Variants in COL4A4 observed in about 807,000 individuals in gnomAD.
COL4A4 encodes collagen alpha-4(IV) chain.
Under a neutral mutation model 192.9 loss-of-function variants are expected in COL4A4, and 105 were observed. The ratio of observed to expected loss-of-function variants is 0.54; its 90% CI spans 0.46 to 0.64. COL4A4 has a LOEUF of 0.64. COL4A4 is among the 30% of genes least tolerant of loss of function. The pLI is 0.00. For missense variants in COL4A4, 1,967 were observed against 2,169.3 expected, an observed-to-expected ratio of 0.91 and a Z score of 1.85; for synonymous variants, 762 against 769.9, an observed-to-expected ratio of 0.99 and a Z score of 0.17.
At chr2:227,114,562 T>C (rs1188629798) in intron 8 of COL4A4, 66 bp downstream of exon 8, 2 of 1,248,056 alleles carry the variant, frequency 1.6e-6, no homozygotes, top group Non-Finnish European at 2.4e-6. Context: ...TGTCTGAGTA[T>C]TTCCTGCATG....
chr2:227,119,151 G>A, intron 6 of COL4A4, among the ~76,000 whole-genome samples: 1 of 151,422 alleles, frequency 6.6e-6, no homozygotes, highest in East Asian at 1.9e-4. Context: ...CATTCCTTAT[G>A]AGTATGCATT....
At chr2:227,069,283 C>A (rs1199368071) in intron 25 of COL4A4, among the ~76,000 whole-genome samples, 1 of 151,754 alleles carries the variant, frequency 6.6e-6, no homozygotes, top group Non-Finnish European at 1.5e-5. Context: ...GTGAAAATGG[C>A]CATACTGCCC....
chr2:226,994,448 A>G, the COL4A4 span, among the ~76,000 whole-genome samples: 5 of 152,222 alleles, frequency 3.3e-5, no homozygotes, highest in Admixed American at 2.6e-4. Flanking sequence ...CATTGGTTCT[A>G]TCGGGGTTGA....
chr2:227,103,947 G>C, intron 13 of COL4A4, 25 bp downstream of exon 13: 1 of 1,570,038 alleles, frequency 6.4e-7, no homozygotes, highest in Non-Finnish European at 8.8e-7. Context: ...TACTTTCCAA[G>C]GTGACATATG....
At chr2:227,041,957 G>T (rs938927408) in intron 37 of COL4A4, among the ~76,000 whole-genome samples, 191 bp downstream of exon 37, 1 of 152,020 alleles carries the variant, frequency 6.6e-6, no homozygotes, top group Non-Finnish European at 1.5e-5. Flanking sequence ...CTGGTAGAAG[G>T]CAGGTCAGCT....
intron 4 of COL4A4, among the ~76,000 whole-genome samples, chr2:227,121,570 A>AG (rs2061791688): frequency 7.5e-6 from 1 of 133,320 alleles, no homozygotes; most frequent in Admixed American, 7.4e-5. Flanking sequence ...TCAAAAAAAA[A>AG]AAAAAAGAAA....
intron 4 of COL4A4, among the ~76,000 whole-genome samples, chr2:227,126,069 G>A (rs567274447): frequency 3.9e-5 from 6 of 152,118 alleles, no homozygotes; most frequent in African/African-American, 9.6e-5. Flanking sequence ...GAAAATATTC[G>A]AAAATCAATA....
chr2:227,008,078 C>T lies in COL4A4; in HGVS notation c.4749G>A (p.Gln1583=), dbSNP rs1962567860. 6.2e-7 allele frequency: 1 copy of T among 1,613,996 alleles called. No homozygotes were observed. Among genetic ancestry groups the T allele is most frequent in the Non-Finnish European group, 8.5e-7 (1 of 1,180,044 alleles). The change falls in exon 47 of 48, where the codon CAG becomes CAA. Residue 1583 remains glutamine (Q), a synonymous_variant. Transcript: ENST00000396625. ...AGGTCTGCGGACATGGGGGGATGGA[C>T]TGGTCCTGGCTGTGCACCGCCACCG... The part of the protein sequence containing the change: ...AQAVAVHSQD[Q]SIPPCPQTWR...
At chr2:227,001,460 C>A (rs1371785780), downstream of COL4A4, among the ~76,000 whole-genome samples, 2 of 152,072 alleles carry the variant, frequency 1.3e-5, no homozygotes, top group South Asian at 2.1e-4. Context: ...AGACAGTCTC[C>A]AAGCTGAGCT....
intron 4 of COL4A4, among the ~76,000 whole-genome samples, chr2:227,126,359 A>G (rs1034430451): frequency 2.0e-5 from 3 of 152,212 alleles, no homozygotes; most frequent in Non-Finnish European, 4.4e-5. Context: ...TCATTCCTAG[A>G]ACGTTGGTTA....
At chr2:227,047,692 G>T in intron 34 of COL4A4, 143 bp from the exon 35 acceptor site, 3 of 552,648 alleles carry the variant, frequency 5.4e-6, no homozygotes, top group East Asian at 3.4e-5. Context: ...TTCTAAATAA[G>T]AACAAATAGA....
At chr2:227,099,179 G>GCCTCAGCCTC (rs2060368651) in intron 18 of COL4A4, among the ~76,000 whole-genome samples, 1 of 152,126 alleles carries the variant, frequency 6.6e-6, no homozygotes, top group African/African-American at 2.4e-5. Context: ...CGATTCTCGT[G>GCCTCAGCCTC]CCTCAGCCTC....
At chr2:227,144,737 T>G (rs544383025) in intron 2 of COL4A4, among the ~76,000 whole-genome samples, 179 bp from the exon 3 acceptor site, 2 of 152,344 alleles carry the variant, frequency 1.3e-5, no homozygotes, top group African/African-American at 4.8e-5. Flanking sequence ...CTGCCATCAT[T>G]GCCTTTCCTC....
intron 3 of COL4A4, among the ~76,000 whole-genome samples, chr2:227,141,612 T>A (rs565984484): frequency 1.1e-4 from 17 of 152,200 alleles, no homozygotes; most frequent in Non-Finnish European, 2.1e-4. Flanking sequence ...GCATTAATTT[T>A]AAAAAGACAT....
At chr2:227,109,603 T>C (rs1365177750) in intron 9 of COL4A4, 3 of 419,156 alleles carry the variant, frequency 7.2e-6, no homozygotes, top group South Asian at 2.0e-5. Flanking sequence ...AAAAATTAGA[T>C]GGGCGTGGTG....
Position 227,069,684 on chromosome 2 carries a change from A to G in COL4A4, c.1988-7086T>C, listed in dbSNP as rs948643365. On this transcript the variant is annotated intron_variant, in intron 25 of 47. Transcript: ENST00000396625. ...TAGCCATACGTAGAAAGCTGAAACCAGATCCCTTCCTTACACCTTATACAA... is the reference window on the plus strand; with the variant it reads ...TAGCCATACGTAGAAAGCTGAAACCGGATCCCTTCCTTACACCTTATACAA... 5.3e-5 allele frequency among the ~76,000 whole-genome samples: 8 copies of G among 152,318 alleles called. No homozygotes were observed. In the South Asian group the frequency reaches 8.3e-4, roughly 16 times the overall value.
chr2:227,088,458 T>C (rs961475729), intron 22 of COL4A4, among the ~76,000 whole-genome samples, 195 bp downstream of exon 22: 5 of 152,194 alleles, frequency 3.3e-5, no homozygotes, highest in African/African-American at 1.2e-4. Flanking sequence ...TGCTGTCGTG[T>C]AAGACATGCC....
At chr2:227,101,708 A>C (rs2060533021) in intron 16 of COL4A4, 151 bp from the exon 17 acceptor site, 2 of 1,105,406 alleles carry the variant, frequency 1.8e-6, no homozygotes, top group African/African-American at 1.6e-5. Context: ...CTTGTGCTTC[A>C]ATTTTTGCAC....
chr2:227,132,585 A>G (rs1263654565), intron 4 of COL4A4, among the ~76,000 whole-genome samples: 2 of 152,176 alleles, frequency 1.3e-5, no homozygotes, highest in East Asian at 1.9e-4. Flanking sequence ...AGACCAGCCT[A>G]GTCAACATGG....
Sources: gnomAD v4.1 joint callset for allele counts (sites outside exome capture counted in the v4.1 genomes callset) on GRCh38, gnomAD v4.1.1 for gene constraint, MANE v1.5 for transcripts, NCBI Gene and HGNC (gene_info 2026-07-23, HGNC 2026-07-21) for gene names.